Variants in NECTIN3 observed in about 807,000 individuals in gnomAD.
NECTIN3 encodes nectin cell adhesion molecule 3, also known as nectin-3.
NECTIN3 carries 8 observed loss-of-function variants against 49.4 expected under a neutral mutation model. The observed-to-expected ratio is 0.16, with a 90% CI of 0.10 to 0.29. The LOEUF is 0.29. Ranked by LOEUF, NECTIN3 falls within the 10% of genes least tolerant of loss-of-function variation. The probability of loss-of-function intolerance (pLI) is 1.00; values close to 1 mark genes in which losing one functional copy is unlikely to be tolerated. For synonymous variants in NECTIN3, 277 were observed against 241.1 expected (o/e 1.15, Z -1.38); for missense variants, 581 against 654.6 (o/e 0.89, Z 1.23).
rs201067228 is a variant in NECTIN3, at chr3:111,118,716, C to T, written c.563C>T (p.Thr188Ile). The T allele has an allele frequency of 1.5e-5, 25 of 1,613,810 alleles. No homozygotes were observed. ...PDSLIDGGNE[T>I]VAAICIAATG... ...TCTTTAATTGATGGAGGAAATGAAACAGTAGCAGCCATTTGCATCGCAGCC... is the reference window on the plus strand; with the variant it reads ...TCTTTAATTGATGGAGGAAATGAAATAGTAGCAGCCATTTGCATCGCAGCC... Residue 188 changes from threonine to isoleucine, a missense_variant, in exon 3 of 6, where the codon ACA becomes ATA. Thr to Ile is a moderately conservative substitution (Grantham distance 89). Around this residue, in one of 3 missense-constraint regions of NECTIN3, gnomAD observed 234 missense variants for 340.6 expected, o/e 0.69. Transcript: ENST00000485303.
rs1194526440 is a variant in NECTIN3 at position 111,135,139 on chromosome 3, A to G, written c.*924A>G. ...AAATGAGACTTTCAGCCAACAATCT[A>G]TAGAAAGAATTTTATGGACCATCTT... On this transcript the variant is annotated 3_prime_UTR_variant, in exon 6 of 6. Transcript: ENST00000485303. 1 of 981,602 alleles carries G rather than the reference A, an allele frequency of 1.0e-6. No individual in the cohort carries two copies. The highest frequency in any genetic ancestry group is 1.2e-6 in the Non-Finnish European group (1 of 826,642). The allele number at this position is 981,602 out of a possible 1,614,324, so 60.8% of individuals were successfully genotyped here.
intron 1 of NECTIN3, among the ~76,000 whole-genome samples, chr3:111,086,208 A>G (rs907034652): frequency 6.6e-6 from 1 of 152,030 alleles, no homozygotes; most frequent in Non-Finnish European, 1.5e-5. Context: ...TTTGTTAATT[A>G]TATGTATTGC....
At chr3:111,129,954 A>ATTTTT (rs547491944) in intron 5 of NECTIN3, among the ~76,000 whole-genome samples, 1 of 131,586 alleles carries the variant, frequency 7.6e-6, no homozygotes, top group African/African-American at 2.8e-5. Flanking sequence ...CCAGCAGAGA[A>ATTTTT]TTTTTTTTTT....
intron 7 of NECTIN3, among the ~76,000 whole-genome samples, chr3:111,148,366 A>G (rs931016595): frequency 6.6e-6 from 1 of 152,338 alleles, no homozygotes; most frequent in Admixed American, 6.5e-5. Context: ...TCCCTGGCAC[A>G]TGGGCCCACT....
intron 7 of NECTIN3, among the ~76,000 whole-genome samples, chr3:111,147,650 G>A (rs532462977): frequency 5.1e-4 from 78 of 152,208 alleles, no homozygotes; most frequent in African/African-American, 1.8e-3. Flanking sequence ...AGATTACATA[G>A]CAATACCTAA....
chr3:111,178,156 G>C (rs2035564739), intron 7 of NECTIN3, among the ~76,000 whole-genome samples: 1 of 152,122 alleles, frequency 6.6e-6, no homozygotes, highest in Non-Finnish European at 1.5e-5. Flanking sequence ...GGTTAAGACA[G>C]CATTTTCAAC....
At chr3:111,147,041 A>G (rs1219384271) in intron 6 of NECTIN3, among the ~76,000 whole-genome samples, 2 of 152,178 alleles carry the variant, frequency 1.3e-5, no homozygotes, top group Admixed American at 6.5e-5. Context: ...ATTTCTCATG[A>G]CACTTTGGAG....
At chr3:111,094,987 A>G (rs1329845269) in intron 1 of NECTIN3, among the ~76,000 whole-genome samples, 1 of 152,194 alleles carries the variant, frequency 6.6e-6, no homozygotes, top group African/African-American at 2.4e-5. Context: ...TATGATTGCT[A>G]TGTTAACTCA....
intron 4 of NECTIN3, among the ~76,000 whole-genome samples, chr3:111,125,280 C>T (rs927493476): frequency 3.3e-5 from 5 of 151,944 alleles, no homozygotes; most frequent in Admixed American, 2.0e-4. Flanking sequence ...GTGCCCGCCT[C>T]GGCCTCCCAA....
In NECTIN3 at chr3:111,072,952, C is replaced by G. The variant is rs190297199; in HGVS notation, c.160+775C>G. On this transcript the variant is annotated intron_variant, in intron 1 of 5. Transcript: ENST00000485303. ...TCGTGTTATGTTACTGTTTTCCTGT[C>G]ATATTTGGGAGTTAGTCTCTGAGTT... 6.5e-3 allele frequency: 1,047 copies of G among 160,862 alleles called. 4 individuals are homozygous for G. Among genetic ancestry groups the G allele is most frequent in the South Asian group, 0.014 (85 of 6,226 alleles). The allele number at this position is 160,862 out of a possible 1,614,324, so 10.0% of individuals were successfully genotyped here.
At position 111,135,636 on chromosome 3, in the gene NECTIN3, ATAAAT is replaced by A. The variant is rs2034550472; in HGVS notation, c.*1427_*1431del. On this transcript the variant is annotated 3_prime_UTR_variant, in exon 6 of 6. Transcript: ENST00000485303. ...TGAAGTGGAAGTTAGTAGGAGAATC[ATAAAT>A]TAAATATATTATTTTGTTAATAAAA... 1.0e-6 allele frequency: 1 copy of A among 962,994 alleles called. No individual in the cohort carries two copies. Among genetic ancestry groups the A allele is most frequent in the Non-Finnish European group, 1.2e-6 (1 of 809,690 alleles). The allele number at this position is 962,994 out of a possible 1,614,324, so 59.7% of individuals were successfully genotyped here. A position where few individuals can be genotyped will look rare whatever the true frequency, so the allele number is the denominator to read the frequency against.
intron 5 of NECTIN3, among the ~76,000 whole-genome samples, chr3:111,128,261 C>T (rs939249588): frequency 5.3e-5 from 8 of 150,334 alleles, no homozygotes; most frequent in African/African-American, 1.2e-4. Context: ...CGCTTGAATC[C>T]GGGAGGCAGA....
intron 1 of NECTIN3, among the ~76,000 whole-genome samples, chr3:111,101,830 G>T (rs996076598): frequency 6.6e-6 from 1 of 152,120 alleles, no homozygotes; most frequent in Non-Finnish European, 1.5e-5. Flanking sequence ...CTAGTTCTTT[G>T]TGCCATTTCA....
At chr3:111,139,907 G>C (rs1449026798), downstream of NECTIN3, among the ~76,000 whole-genome samples, 1 of 151,770 alleles carries the variant, frequency 6.6e-6, no homozygotes, top group East Asian at 1.9e-4. Context: ...CTAAAACTAA[G>C]ACTTGGGGAA....
At chr3:111,113,249 C>G (rs563111946) in intron 2 of NECTIN3, among the ~76,000 whole-genome samples, 1 of 152,260 alleles carries the variant, frequency 6.6e-6, no homozygotes, top group East Asian at 1.9e-4. Flanking sequence ...AAGAGTTTTA[C>G]CCAAAGTGGA....
At chr3:111,175,087 G>A (rs1026646327) in intron 7 of NECTIN3, among the ~76,000 whole-genome samples, 1 of 151,940 alleles carries the variant, frequency 6.6e-6, no homozygotes, top group African/African-American at 2.4e-5. Context: ...CCATCCAGCT[G>A]CCAAACTCCT....
chr3:111,116,870 G>C (rs1295538981), intron 2 of NECTIN3, among the ~76,000 whole-genome samples: 1 of 152,010 alleles, frequency 6.6e-6, no homozygotes, highest in Admixed American at 6.6e-5. Flanking sequence ...AATATCAGCT[G>C]GTGAGTATAT....
chr3:111,150,794 C>G (rs1046296591), intron 7 of NECTIN3, among the ~76,000 whole-genome samples: 2 of 151,732 alleles, frequency 1.3e-5, no homozygotes, highest in African/African-American at 4.8e-5. Flanking sequence ...TCAAACTTTC[C>G]TCTTTTGACC....
At chr3:111,174,798 C>T (rs994560337) in intron 7 of NECTIN3, among the ~76,000 whole-genome samples, 22 of 152,052 alleles carry the variant, frequency 1.4e-4, no homozygotes, top group African/African-American at 4.6e-4. Flanking sequence ...TACAGTGTGC[C>T]CTTTTAGCCC....
Sources: allele counts gnomAD v4.1 joint callset (sites outside exome capture counted in the v4.1 genomes callset), GRCh38; gene constraint gnomAD v4.1.1; regional missense constraint gnomAD v4.1.1; transcripts MANE v1.5; gene names NCBI Gene and HGNC (gene_info 2026-07-23, HGNC 2026-07-21).